The following RBFOX1 variants were observed in gnomAD, a reference collection of about 807,000 sequenced individuals.
RBFOX1 encodes RNA binding protein fox-1 homolog 1.
In RBFOX1, 8 loss-of-function variants were observed where a neutral mutation model predicts 57.7. That is an observed-to-expected ratio of 0.14 (90% CI 0.08 to 0.25). The LOEUF (loss-of-function observed/expected upper bound fraction) is 0.25, where lower values mean the gene tolerates loss of function less well. Ranked by LOEUF, RBFOX1 falls within the 10% of genes least tolerant of loss-of-function variation. RBFOX1 has a pLI of 1.00. For missense variants in RBFOX1, 611 were observed against 548.5 expected (o/e 1.11, Z -1.14); for synonymous variants, 326 against 222.4 (o/e 1.47, Z -4.15).
intron 3 of RBFOX1, among the ~76,000 whole-genome samples, chr16:5,693,662 C>T (rs2050762984): frequency 2.0e-5 from 3 of 152,162 alleles, no homozygotes. Flanking sequence ...ATCTTGGTTC[C>T]AGAACTTTTG....
At chr16:6,335,796 A>AAAAAAAAAAAG (rs2083575149) in intron 2 of RBFOX1, among the ~76,000 whole-genome samples, 1 of 149,352 alleles carries the variant, frequency 6.7e-6, no homozygotes, top group African/African-American at 2.5e-5. Context: ...AAAAAGAAAA[A>AAAAAAAAAAAG]AAAAAGAAAA....
intron 3 of RBFOX1, among the ~76,000 whole-genome samples, chr16:7,027,575 C>G (rs1304625247): frequency 3.3e-5 from 5 of 152,008 alleles, no homozygotes; most frequent in South Asian, 2.1e-4. Context: ...TAGACCAAGA[C>G]TAATGTACTT....
At chr16:6,387,849 G>A (rs142143976) in intron 2 of RBFOX1, among the ~76,000 whole-genome samples, 123 of 152,082 alleles carry the variant, frequency 8.1e-4, no homozygotes, top group African/African-American at 2.7e-3. Flanking sequence ...GTCTGTCTCA[G>A]TCTACAGGGA....
intron 4 of RBFOX1, among the ~76,000 whole-genome samples, chr16:7,405,094 G>A (rs1201532989): frequency 6.6e-6 from 1 of 152,200 alleles, no homozygotes; most frequent in African/African-American, 2.4e-5. Flanking sequence ...AGGTTGCAGG[G>A]TGATTCTTGA....
chr16:7,233,703 C>G (rs1053287603), intron 4 of RBFOX1, among the ~76,000 whole-genome samples: 1 of 152,282 alleles, frequency 6.6e-6, no homozygotes, highest in South Asian at 2.1e-4. Flanking sequence ...CCATGAACTT[C>G]CAACTCGTCT....
chr16:6,457,520 C>T (rs1351361775), intron 2 of RBFOX1, among the ~76,000 whole-genome samples: 1 of 150,412 alleles, frequency 6.6e-6, no homozygotes, highest in African/African-American at 2.4e-5. Context: ...ACTACCGTTC[C>T]AGGCATCTTA....
Position 6,913,165 on chromosome 16 carries a change from T to C in RBFOX1, c.-15-138892T>C, listed in dbSNP as rs561770341. Among the ~76,000 whole-genome samples, 3 of 152,332 alleles carry C rather than the reference T, an allele frequency of 2.0e-5. No individual in the cohort carries two copies. In the South Asian group the frequency reaches 6.2e-4, roughly 32 times the overall value. ...GTTTTTTTGTTTTGTTTTGTTTTTTTGTTTTTCCTGTGGGTTACTTGAAAA... is the reference window on the plus strand; with the variant it reads ...GTTTTTTTGTTTTGTTTTGTTTTTTCGTTTTTCCTGTGGGTTACTTGAAAA... On this transcript the variant is annotated intron_variant, in intron 3 of 15. Coordinates refer to ENST00000550418, the MANE Select transcript of RBFOX1 (RefSeq NM_018723.4).
At chr16:5,829,869 G>A (rs1171640598) in intron 3 of RBFOX1, among the ~76,000 whole-genome samples, 1 of 152,146 alleles carries the variant, frequency 6.6e-6, no homozygotes, top group African/African-American at 2.4e-5. Flanking sequence ...AACAAAAACA[G>A]GGGGGAAGAA....
At chr16:6,956,829 T>G (rs914351785) in intron 3 of RBFOX1, among the ~76,000 whole-genome samples, 2 of 152,284 alleles carry the variant, frequency 1.3e-5, no homozygotes, top group South Asian at 2.1e-4. Context: ...GGGCTGGAGC[T>G]ATCCAAGGAT....
chr16:6,230,743 C>T (rs191783159), intron 1 of RBFOX1, among the ~76,000 whole-genome samples: 20 of 152,320 alleles, frequency 1.3e-4, no homozygotes, highest in Admixed American at 3.9e-4. Flanking sequence ...AAGAGCTGCA[C>T]ACCTGGGCTG....
intron 4 of RBFOX1, among the ~76,000 whole-genome samples, chr16:7,219,188 C>T (rs974995864): frequency 6.6e-6 from 1 of 152,146 alleles, no homozygotes; most frequent in Non-Finnish European, 1.5e-5. Context: ...GTTTCATACA[C>T]ATTGACATAA....
chr16:5,437,367 A>T (rs1451544372), intron 1 of RBFOX1, among the ~76,000 whole-genome samples: 1 of 152,186 alleles, frequency 6.6e-6, no homozygotes, highest in African/African-American at 2.4e-5. Flanking sequence ...ACAATTTGGT[A>T]TGATATACCG....
At chr16:6,599,460 C>A (rs7197304) in intron 2 of RBFOX1, among the ~76,000 whole-genome samples, 1 of 152,128 alleles carries the variant, frequency 6.6e-6, no homozygotes, top group East Asian at 1.9e-4. Context: ...ATAACAAGGA[C>A]GCTTCAAAAA....
intron 3 of RBFOX1, among the ~76,000 whole-genome samples, chr16:6,826,356 A>G (rs570686117): frequency 6.6e-6 from 1 of 152,224 alleles, no homozygotes; most frequent in Admixed American, 6.5e-5. Flanking sequence ...TTATTTACAG[A>G]AAAAGGGAGG....
At chr16:6,211,185 C>CCATGAGACAGAGTGTTTTATTA (rs1426493154) in intron 1 of RBFOX1, among the ~76,000 whole-genome samples, 1 of 123,218 alleles carries the variant, frequency 8.1e-6, no homozygotes. Flanking sequence ...GTGTTTTCTT[C>CCATGAGACAGAGTGTTTTATTA]TTCTTTTTTT....
At chr16:7,695,086 T>C (rs2078367265) in intron 14 of RBFOX1, among the ~76,000 whole-genome samples, 1 of 152,204 alleles carries the variant, frequency 6.6e-6, no homozygotes, top group Non-Finnish European at 1.5e-5. Flanking sequence ...TCCATCTACC[T>C]AATCTAGATG....
intron 4 of RBFOX1, among the ~76,000 whole-genome samples, chr16:7,222,199 G>C (rs1382713240): frequency 6.6e-6 from 1 of 152,134 alleles, no homozygotes; most frequent in Non-Finnish European, 1.5e-5. Flanking sequence ...CACACCAGAG[G>C]GCAGGTGGTT....
chr16:5,266,408 A>G (rs1037195915), intron 1 of RBFOX1, among the ~76,000 whole-genome samples: 2 of 152,106 alleles, frequency 1.3e-5, no homozygotes, highest in Non-Finnish European at 2.9e-5. Context: ...CTGCTCTCAT[A>G]AAGGACAATG....
intron 1 of RBFOX1, among the ~76,000 whole-genome samples, chr16:6,300,509 C>T (rs938022968): frequency 3.3e-5 from 5 of 152,142 alleles, no homozygotes; most frequent in Non-Finnish European, 7.4e-5. Context: ...AAGTTATTAG[C>T]GAGACTTGCA....
Sources: allele counts gnomAD v4.1 joint callset (sites outside exome capture counted in the v4.1 genomes callset), GRCh38; gene constraint gnomAD v4.1.1; transcripts MANE v1.5; gene names NCBI Gene and HGNC (gene_info 2026-07-23, HGNC 2026-07-21).